SKAP1: variants seen among roughly 807,000 people sequenced by gnomAD.
SKAP1 encodes src kinase-associated phosphoprotein 1.
SKAP1 carries 44 observed loss-of-function variants against 58.5 expected under a neutral mutation model. The ratio of observed to expected loss-of-function variants is 0.75; its 90% CI spans 0.59 to 0.97. The LOEUF (loss-of-function observed/expected upper bound fraction) is 0.97. SKAP1 is among the 50% of genes least tolerant of loss of function. The pLI, the probability that SKAP1 is intolerant of heterozygous loss-of-function variation, is 0.00. For synonymous variants in SKAP1, 127 were observed against 149.7 expected (o/e 0.85, Z 1.11); for missense variants, 390 against 435.2 (o/e 0.90, Z 0.92).
At chr17:48,147,633 G>T (rs898511201) in intron 11 of SKAP1, among the ~76,000 whole-genome samples, 1 of 152,172 alleles carries the variant, frequency 6.6e-6, no homozygotes, top group Non-Finnish European at 1.5e-5. Context: ...GAAATGGTCA[G>T]TTGGGTGGCC....
At position 48,430,154 on chromosome 17, in the gene SKAP1, G is replaced by C. The variant is rs1035114965; in HGVS notation, c.-34C>G. 5 of 1,252,752 alleles carry C rather than the reference G, an allele frequency of 4.0e-6. No homozygotes were observed. In the South Asian group the frequency reaches 1.6e-4, roughly 40 times the overall value. 77.6% of individuals were successfully genotyped at this position (1,252,752 alleles called of 1,614,324 possible). A position where few individuals can be genotyped will look rare whatever the true frequency, so the allele number is the denominator to read the frequency against. On this transcript the variant is annotated 5_prime_UTR_variant, in exon 1 of 13. Transcript: ENST00000336915. ...GCGGGAGAGAGGCGGGACGGGGCGC[G>C]GGCCCTGGTCGGGAGGCGGACGGGC... is the stretch of plus-strand genomic sequence containing the variant.
Position 48,413,514 on chromosome 17 carries a change from C to CAA in SKAP1, c.46+16559_46+16560dup, listed in dbSNP as rs1222640261. The stretch of plus-strand genomic sequence containing the variant: ...AGGCAATAAGAGCAAAACTCCGTCT[C>CAA]AAAAAAAAAATATATATATATATAT... On this transcript the variant is annotated intron_variant, in intron 1 of 12. Transcript: ENST00000336915. Among the ~76,000 whole-genome samples the CAA allele has an allele frequency of 1.1e-3, 106 of 99,942 alleles. 10 individuals are homozygous for CAA. The highest frequency in any genetic ancestry group is 2.8e-3 in the African/African-American group (57 of 20,164). The allele number at this position is 99,942 out of a possible 152,430, so 65.6% of individuals were successfully genotyped here. A position where few individuals can be genotyped will look rare whatever the true frequency, so the allele number is the denominator to read the frequency against.
At chr17:48,357,265 T>A (rs1165588642) in intron 3 of SKAP1, among the ~76,000 whole-genome samples, 1 of 152,166 alleles carries the variant, frequency 6.6e-6, no homozygotes, top group East Asian at 1.9e-4. Context: ...TAGGAAGGAC[T>A]TTTAGAAAGG....
chr17:48,423,912 A>G (rs2067824207), intron 1 of SKAP1, among the ~76,000 whole-genome samples: 1 of 151,998 alleles, frequency 6.6e-6, no homozygotes, highest in African/African-American at 2.4e-5. Flanking sequence ...ATGAGCCACC[A>G]CGCCTGGCCC....
chr17:48,265,510 A>G (rs7220904), intron 4 of SKAP1, among the ~76,000 whole-genome samples: 29,989 of 87,150 alleles, frequency 0.34, 3,007 homozygotes, highest in East Asian at 0.44. Flanking sequence ...AAAAGCAAGC[A>G]AGCAAGCAAG....
intron 12 of SKAP1, among the ~76,000 whole-genome samples, chr17:48,135,924 CTGGGTTT>C (rs2063691409): frequency 6.6e-6 from 1 of 152,062 alleles, no homozygotes; most frequent in African/African-American, 2.4e-5. Context: ...AAATGGTGCC[CTGGGTTT>C]GAGAGCTGGG....
At chr17:48,324,171 C>T (rs2066403012) in intron 4 of SKAP1, among the ~76,000 whole-genome samples, 1 of 152,028 alleles carries the variant, frequency 6.6e-6, no homozygotes, top group African/African-American at 2.4e-5. Context: ...CAGAAAAACC[C>T]ACTGGTAACA....
chr17:48,337,177 T>G (rs546693924), intron 4 of SKAP1, among the ~76,000 whole-genome samples: 2 of 152,242 alleles, frequency 1.3e-5, no homozygotes, highest in African/African-American at 4.8e-5. Context: ...TTAAGCTACT[T>G]AGGGCCCAAC....
Position 48,189,509 on chromosome 17 carries a change from A to G in SKAP1, c.281-9T>C. Reference sequence around the variant, plus strand: ...TACGATGTCTTCCATTCCTAAAAGGACCAATGGCAAAATGCTTTATTGAAA... The same window carrying G: ...TACGATGTCTTCCATTCCTAAAAGGGCCAATGGCAAAATGCTTTATTGAAA... On this transcript the variant is annotated splice_polypyrimidine_tract_variant and intron_variant, in intron 4 of 12. Transcript: ENST00000336915. The G allele has an allele frequency of 6.2e-7, 1 of 1,605,156 alleles. No individual in the cohort carries two copies. Among genetic ancestry groups the G allele is most frequent in the Non-Finnish European group, 8.5e-7 (1 of 1,176,010 alleles).
intron 3 of SKAP1, among the ~76,000 whole-genome samples, chr17:48,349,365 C>T (rs1168615571): frequency 6.6e-6 from 1 of 152,202 alleles, no homozygotes; most frequent in East Asian, 1.9e-4. Context: ...ACAATTAGGG[C>T]TTAGAACTCT....
intron 4 of SKAP1, among the ~76,000 whole-genome samples, chr17:48,266,105 C>T (rs185872898): frequency 2.0e-5 from 3 of 151,948 alleles, no homozygotes; most frequent in South Asian, 2.1e-4. Context: ...GAAATATTTC[C>T]GAGATAATCT....
chr17:48,247,596 G>A (rs1254667952), intron 4 of SKAP1, among the ~76,000 whole-genome samples: 4 of 151,948 alleles, frequency 2.6e-5, no homozygotes, highest in East Asian at 1.9e-4. Context: ...ATCATTTCAC[G>A]TGTATTTTTC....
intron 11 of SKAP1, among the ~76,000 whole-genome samples, chr17:48,149,877 G>A (rs894355730): frequency 6.6e-6 from 1 of 152,156 alleles, no homozygotes; most frequent in Admixed American, 6.5e-5. Flanking sequence ...ACTTCTAGCT[G>A]TAGGTGCAAC....
intron 4 of SKAP1, among the ~76,000 whole-genome samples, chr17:48,214,868 GC>G (rs1183479616): frequency 6.6e-6 from 1 of 151,446 alleles, no homozygotes; most frequent in East Asian, 1.9e-4. Context: ...GTTGCAGTGA[GC>G]TGAGATTGCG....
At chr17:48,284,681 C>T (rs1202564724) in intron 4 of SKAP1, among the ~76,000 whole-genome samples, 1 of 152,148 alleles carries the variant, frequency 6.6e-6, no homozygotes, top group Non-Finnish European at 1.5e-5. Context: ...TTGCTCTCAC[C>T]TTAACTAGAG....
At chr17:48,299,268 C>G (rs935173754) in intron 4 of SKAP1, among the ~76,000 whole-genome samples, 2 of 152,202 alleles carry the variant, frequency 1.3e-5, no homozygotes, top group Admixed American at 1.3e-4. Flanking sequence ...TTTACCTTTT[C>G]TAAAGTTCCT....
intron 4 of SKAP1, chr17:48,344,321 G>T (rs910465159): frequency 2.3e-6 from 1 of 441,350 alleles, no homozygotes; most frequent in Non-Finnish European, 3.0e-6. Flanking sequence ...CTCTACTGTG[G>T]GCTGAGAAAC....
chr17:48,411,170 C>CGGG (rs1721988165), intron 1 of SKAP1, among the ~76,000 whole-genome samples: 1 of 151,710 alleles, frequency 6.6e-6, no homozygotes, highest in Non-Finnish European at 1.5e-5. Context: ...GAAGCTGAGA[C>CGGG]GGGCAGATCA....
intron 11 of SKAP1, among the ~76,000 whole-genome samples, chr17:48,162,197 C>T (rs1322894486): frequency 6.6e-6 from 1 of 152,228 alleles, no homozygotes; most frequent in Non-Finnish European, 1.5e-5. Context: ...AACTCCTGAG[C>T]TGAGGCAGTT....
Sources: allele counts gnomAD v4.1 joint callset (sites outside exome capture counted in the v4.1 genomes callset), GRCh38; gene constraint gnomAD v4.1.1; transcripts MANE v1.5; gene names NCBI Gene and HGNC (gene_info 2026-07-23, HGNC 2026-07-21).